PCDHA7: variants seen among roughly 807,000 people sequenced by gnomAD.
PCDHA7 encodes protocadherin alpha 7, also known as protocadherin alpha-7.
Under a neutral mutation model 57.2 loss-of-function variants are expected in PCDHA7, and 37 were observed. The ratio of observed to expected loss-of-function variants is 0.65; its 90% CI spans 0.50 to 0.85. PCDHA7 has a LOEUF of 0.85. Ranked by LOEUF, PCDHA7 falls within the 40% of genes least tolerant of loss-of-function variation. The probability of loss-of-function intolerance (pLI) is 0.00; values close to 1 mark genes in which losing one functional copy is unlikely to be tolerated. For synonymous variants in PCDHA7, 553 were observed against 558.8 expected, an observed-to-expected ratio of 0.99 and a Z score of 0.15; for missense variants, 1,188 against 1,241.8, an observed-to-expected ratio of 0.96 and a Z score of 0.65.
chr5:140,841,555 T>C lies in PCDHA7; in HGVS notation c.2355+4817T>C, dbSNP rs1224364793. 2.5e-6 allele frequency: 4 copies of C among 1,613,708 alleles called. No homozygotes were observed. In the African/African-American group the frequency reaches 5.3e-5, roughly 22 times the overall value. On this transcript the variant is annotated intron_variant, in intron 1 of 3. Transcript: ENST00000525929. Reference sequence around the variant, plus strand: ...GACACCGGGACCTTCTGGAGGTAAGTCTGCAGAATGGCATTTTGTTTGTGA... The same window carrying C: ...GACACCGGGACCTTCTGGAGGTAAGCCTGCAGAATGGCATTTTGTTTGTGA...
chr5:140,982,357 A>G, intron 2 of PCDHA7, 118 bp from the exon 3 acceptor site: 1 of 1,520,660 alleles, frequency 6.6e-7, no homozygotes. Flanking sequence ...TTCAAGCATG[A>G]GCAGAATGTG....
intron 1 of PCDHA7, chr5:140,842,985 T>G (rs1322607138): frequency 1.3e-6 from 2 of 1,594,870 alleles, no homozygotes; most frequent in Non-Finnish European, 1.7e-6. Flanking sequence ...CAGGTGTTCG[T>G]GCTGGACGAG....
rs185908462 is a variant in PCDHA7 at position 140,840,862 on chromosome 5, T to C, written c.2355+4124T>C. Among the ~76,000 whole-genome samples, 246 of 152,114 alleles carry C rather than the reference T, an allele frequency of 1.6e-3. 2 individuals carry two copies. The highest frequency in any genetic ancestry group is 5.6e-3 in the African/African-American group (234 of 41,462). ...AATGCATTTCTTCCACACGAAACTA[T>C]GGAGGACAGTTTACATTTCTGATAT... On this transcript the variant is annotated intron_variant, in intron 1 of 3. Transcript: ENST00000525929.
At chr5:140,880,842 T>C (rs1554171525) in intron 1 of PCDHA7, among the ~76,000 whole-genome samples, 1 of 152,194 alleles carries the variant, frequency 6.6e-6, no homozygotes, top group East Asian at 1.9e-4. Flanking sequence ...TTTAAATGGT[T>C]GACTATGTAG....
chr5:140,869,943 C>T (rs781893563), intron 1 of PCDHA7: 10 of 1,612,248 alleles, frequency 6.2e-6, no homozygotes, highest in Non-Finnish European at 7.6e-6. Context: ...TAACATACTC[C>T]TTAATGTCAA....
intron 3 of PCDHA7, 115 bp downstream of exon 3, chr5:140,982,678 C>G: frequency 6.9e-7 from 1 of 1,438,900 alleles, no homozygotes; most frequent in East Asian, 2.5e-5. Context: ...TTTGTTATTC[C>G]CTTTTTTCCA....
rs200912451 is a variant in PCDHA7 at position 140,850,965 on chromosome 5, G to A, written c.2355+14227G>A. The A allele has an allele frequency of 1.1e-4, 159 of 1,464,076 alleles. 6 individuals are homozygous for A. The highest frequency in any genetic ancestry group is 1.3e-4 in the Non-Finnish European group (139 of 1,096,434). 90.7% of individuals were successfully genotyped at this position (1,464,076 alleles called of 1,614,324 possible). On this transcript the variant is annotated intron_variant, in intron 1 of 3. Transcript: ENST00000525929. The stretch of plus-strand genomic sequence containing the variant: ...ATATTATCGATTACTCCCAGGGGCC[G>A]TTCAAATAGTTTTATTCATTTTTCT...
intron 1 of PCDHA7, chr5:140,841,721 C>T (rs2150321568): frequency 1.2e-6 from 2 of 1,613,868 alleles, no homozygotes; most frequent in Non-Finnish European, 8.5e-7. Context: ...GCCAGTGTTC[C>T]GGGTAAAAGA....
At chr5:140,966,447 C>T (rs373859357) in intron 1 of PCDHA7, 40 of 425,326 alleles carry the variant, frequency 9.4e-5, no homozygotes, top group Middle Eastern at 5.8e-4. Context: ...CTCCCTTTCC[C>T]CCTCCCCCTC....
chr5:140,928,860 G>T, intron 1 of PCDHA7: 8 of 1,614,154 alleles, frequency 5.0e-6, no homozygotes, highest in Non-Finnish European at 6.8e-6. Flanking sequence ...GTGTGCTGTT[G>T]AGCAACTCTG....
intron 1 of PCDHA7, among the ~76,000 whole-genome samples, chr5:140,919,229 C>T (rs1163633473): frequency 1.1e-4 from 17 of 152,144 alleles, no homozygotes; most frequent in African/African-American, 3.9e-4. Flanking sequence ...TTTCTAGTAA[C>T]ACTTTTTGTC....
intron 2 of PCDHA7, 142 bp from the exon 3 acceptor site, chr5:140,982,333 A>C (rs2096978357): frequency 1.4e-6 from 2 of 1,438,566 alleles, no homozygotes; most frequent in Admixed American, 4.6e-5. Context: ...ACTGCTCAGC[A>C]GTAATTGCTT....
intron 1 of PCDHA7, among the ~76,000 whole-genome samples, chr5:140,839,041 C>A (rs1776010412): frequency 6.6e-6 from 1 of 151,884 alleles, no homozygotes; most frequent in African/African-American, 2.4e-5. Context: ...GTTTTCTTTT[C>A]AACGTGAATA....
intron 2 of PCDHA7, among the ~76,000 whole-genome samples, chr5:140,979,837 C>T (rs1554241124): frequency 6.6e-6 from 1 of 152,188 alleles, no homozygotes; most frequent in Non-Finnish European, 1.5e-5. Flanking sequence ...AAGAAATAAT[C>T]TTCAAACTTA....
chr5:140,848,359 G>C, intron 1 of PCDHA7: 1 of 1,059,608 alleles, frequency 9.4e-7, no homozygotes, highest in South Asian at 1.6e-5. Context: ...TTTTCCCATG[G>C]GAAAGAGGCT....
chr5:140,875,610 C>T (rs1266412721), intron 1 of PCDHA7: 6 of 1,613,716 alleles, frequency 3.7e-6, no homozygotes, highest in African/African-American at 1.3e-5. Flanking sequence ...CCTTCGTGGG[C>T]CGCATCGCTC....
At chr5:140,841,533 A>T (rs2150317593) in intron 1 of PCDHA7, 20 of 1,613,658 alleles carry the variant, frequency 1.2e-5, no homozygotes, top group Non-Finnish European at 1.7e-5. Context: ...TCCAAAAGAC[A>T]CCGGGACCTT....
In PCDHA7 at chr5:140,835,948, C is replaced by T. The variant is rs2150248824; in HGVS notation, c.1565C>T (p.Pro522Leu). The change falls in exon 1 of 4, where the codon CCG becomes CTG. Residue 522 changes from proline (P) to leucine (L), a missense_variant. Around this residue, in one of 3 missense-constraint regions of PCDHA7, gnomAD observed 892 missense variants for 788.5 expected, o/e 1.13. Coordinates refer to ENST00000525929, the MANE Select transcript of PCDHA7 (RefSeq NM_018910.3). ...AESGKVYALQ[P>L]LDHEELELLQ... ...AGCGGCAAGGTGTACGCGCTGCAGC[C>T]GTTGGACCACGAGGAGCTGGAGCTG... 1.2e-6 allele frequency: 2 copies of T among 1,612,794 alleles called. No individual in the cohort carries two copies. Among genetic ancestry groups the T allele is most frequent in the East Asian group, 2.2e-5 (1 of 44,850 alleles).
intron 1 of PCDHA7, among the ~76,000 whole-genome samples, chr5:140,946,631 T>TATATATATATATATATATACACAC (rs57893927): frequency 7.6e-6 from 1 of 131,846 alleles, no homozygotes; most frequent in South Asian, 2.2e-4. Context: ...TATATATATA[T>TATATATATATATATATATACACAC]ACAATGGAAT....
Sources: allele counts gnomAD v4.1 joint callset (sites outside exome capture counted in the v4.1 genomes callset), GRCh38; gene constraint gnomAD v4.1.1; regional missense constraint gnomAD v4.1.1; transcripts MANE v1.5; gene names NCBI Gene and HGNC (gene_info 2026-07-23, HGNC 2026-07-21).